Variants in CENPP observed in about 807,000 individuals in gnomAD.
CENPP encodes the protein centromere protein P.
A neutral mutation model predicts 35.6 loss-of-function variants in CENPP; 24 were observed. That is an observed-to-expected ratio of 0.67 (90% confidence interval 0.49 to 0.95). The LOEUF (loss-of-function observed/expected upper bound fraction) is 0.95, where lower values mean the gene tolerates loss of function less well. CENPP is among the 40% of genes least tolerant of loss of function. CENPP has a pLI of 0.00. For missense variants in CENPP, 332 were observed against 345.3 expected, an observed-to-expected ratio of 0.96 and a Z score of 0.31; for synonymous variants, 120 against 125.5, an observed-to-expected ratio of 0.96 and a Z score of 0.29.
At chr9:92,523,648 T>C (rs565369518) in intron 5 of CENPP, among the ~76,000 whole-genome samples, 2 of 152,342 alleles carry the variant, frequency 1.3e-5, no homozygotes, top group South Asian at 4.1e-4. Context: ...GCGTAATCTA[T>C]AGCAGTAGCG....
At chr9:92,374,262 T>TGC (rs1554754793) in intron 4 of CENPP, among the ~76,000 whole-genome samples, 1,589 of 151,638 alleles carry the variant, frequency 0.01, 32 homozygotes, top group African/African-American at 0.036. Context: ...TGTGTGTGTG[T>TGC]GTGTGTGTGT....
chr9:92,371,602 T>C (rs972685285), intron 4 of CENPP, among the ~76,000 whole-genome samples: 7 of 152,196 alleles, frequency 4.6e-5, no homozygotes, highest in African/African-American at 1.7e-4. Flanking sequence ...GGATAGCATG[T>C]TCTGTAAATG....
At chr9:92,421,522 G>C (rs1371520109) in intron 5 of CENPP, among the ~76,000 whole-genome samples, 1 of 152,250 alleles carries the variant, frequency 6.6e-6, no homozygotes, top group Non-Finnish European at 1.5e-5. Context: ...GCAGTGTTCA[G>C]AGCAGGCTCT....
At chr9:92,605,463 T>C (rs1298243749) in intron 5 of CENPP, among the ~76,000 whole-genome samples, 1 of 152,160 alleles carries the variant, frequency 6.6e-6, no homozygotes, top group Non-Finnish European at 1.5e-5. Flanking sequence ...ACCTCACAGA[T>C]GTTATCTCTC....
At chr9:92,575,191 G>C (rs370009612) in intron 5 of CENPP, among the ~76,000 whole-genome samples, 10 of 152,190 alleles carry the variant, frequency 6.6e-5, no homozygotes, top group African/African-American at 2.4e-4. Context: ...GTCAACTTAA[G>C]GAGAAGAGAC....
At chr9:92,565,176 A>C (rs2131346018) in intron 5 of CENPP, among the ~76,000 whole-genome samples, 1 of 151,506 alleles carries the variant, frequency 6.6e-6, no homozygotes, top group African/African-American at 2.4e-5. Context: ...AGTCTATTCA[A>C]CTCTTGCAGC....
At chr9:92,559,501 A>C (rs529053614) in intron 5 of CENPP, among the ~76,000 whole-genome samples, 2 of 151,996 alleles carry the variant, frequency 1.3e-5, no homozygotes, top group Non-Finnish European at 2.9e-5. Context: ...GGAGCAGTCC[A>C]TTTCCCTCAG....
At chr9:92,567,387 T>TATATATATATATATATATATATAG (rs1564005559) in intron 5 of CENPP, among the ~76,000 whole-genome samples, 1 of 89,808 alleles carries the variant, frequency 1.1e-5, no homozygotes, top group Non-Finnish European at 2.2e-5. Flanking sequence ...TATATATATA[T>TATATATATATATATATATATATAG]ATATATATAG....
intron 5 of CENPP, chr9:92,464,599 A>G (rs1845236134): frequency 2.1e-6 from 1 of 472,608 alleles, no homozygotes. Flanking sequence ...TTTCTTCTGT[A>G]TAGAATTCTC....
At chr9:92,337,455 T>C (rs988330012) in intron 2 of CENPP, 86 bp from the exon 3 acceptor site, 2 of 768,368 alleles carry the variant, frequency 2.6e-6, no homozygotes. Context: ...CCCACATGTA[T>C]TGTAGATATT....
At chr9:92,611,290 T>C (rs1851236830) in intron 5 of CENPP, 24 bp from the exon 6 acceptor site, 2 of 1,595,792 alleles carry the variant, frequency 1.3e-6, no homozygotes, top group African/African-American at 1.3e-5. Context: ...TGGATCTGTC[T>C]ACCCGTTTCT....
At chr9:92,416,869 A>G in intron 5 of CENPP, 1 of 1,614,034 alleles carries the variant, frequency 6.2e-7, no homozygotes. Context: ...AAGAAGGCAA[A>G]CCAGGAGGCA....
At chr9:92,406,656 A>G (rs1843317233) in intron 5 of CENPP, among the ~76,000 whole-genome samples, 1 of 152,158 alleles carries the variant, frequency 6.6e-6, no homozygotes, top group Non-Finnish European at 1.5e-5. Context: ...GCCTCACTTC[A>G]GGGGTTGAGT....
intron 5 of CENPP, among the ~76,000 whole-genome samples, chr9:92,597,342 T>A (rs904620842): frequency 1.3e-5 from 2 of 152,160 alleles, no homozygotes; most frequent in African/African-American, 4.8e-5. Context: ...GTGATTTGTC[T>A]TGTGAAAAAG....
chr9:92,377,447 C>A (rs925985597), intron 4 of CENPP, among the ~76,000 whole-genome samples: 1 of 152,176 alleles, frequency 6.6e-6, no homozygotes, highest in Non-Finnish European at 1.5e-5. Flanking sequence ...GGATTAGGTT[C>A]TCAGGCTAGT....
intron 1 of CENPP, among the ~76,000 whole-genome samples, chr9:92,331,325 C>A (rs1001279807): frequency 5.3e-5 from 8 of 152,128 alleles, no homozygotes; most frequent in Non-Finnish European, 8.8e-5. Context: ...GGACTACAGG[C>A]GCCTGCCACC....
At chr9:92,558,237 T>C (rs1195322533) in intron 5 of CENPP, among the ~76,000 whole-genome samples, 1 of 152,104 alleles carries the variant, frequency 6.6e-6, no homozygotes, top group African/African-American at 2.4e-5. Context: ...ATTACCAGGG[T>C]TGGTTTTCTG....
At chr9:92,588,259 G>T (rs1003791316) in intron 5 of CENPP, among the ~76,000 whole-genome samples, 5 of 151,166 alleles carry the variant, frequency 3.3e-5, no homozygotes, top group South Asian at 4.2e-4. Context: ...GTTTGTTTTG[G>T]TTTTTTTGAG....
chr9:92,522,818 T>A (rs1848161496), intron 5 of CENPP: 1 of 1,611,766 alleles, frequency 6.2e-7, no homozygotes, highest in Non-Finnish European at 8.5e-7. Flanking sequence ...CCAAAGTCAG[T>A]TTGAAAAATG....
Sources: gnomAD v4.1 joint callset for allele counts (sites outside exome capture counted in the v4.1 genomes callset) on GRCh38, gnomAD v4.1.1 for gene constraint, MANE v1.5 for transcripts, NCBI Gene and HGNC (gene_info 2026-07-23, HGNC 2026-07-21) for gene names.